DEFB110: variants seen among roughly 807,000 people sequenced by gnomAD.
DEFB110 encodes the protein defensin beta 110, also known as beta-defensin 110.
Under a neutral mutation model 2.5 loss-of-function variants are expected in DEFB110, and 4 were observed. The ratio of observed to expected loss-of-function variants is 1.60; its 90% CI spans 0.79 to 3.66. The LOEUF (loss-of-function observed/expected upper bound fraction) is 3.66, where lower values mean the gene tolerates loss of function less well. DEFB110 is among the 30% of genes most tolerant of loss of function. The probability of loss-of-function intolerance (pLI) is 0.01; values close to 1 mark genes in which losing one functional copy is unlikely to be tolerated. For missense variants in DEFB110, 94 were observed against 75.4 expected (o/e 1.25, Z -0.91); for synonymous variants, 29 against 21.8 (o/e 1.33, Z -0.92).
downstream of DEFB110, among the ~76,000 whole-genome samples, chr6:50,016,225 G>A (rs114326752): frequency 5.5e-3 from 834 of 151,802 alleles, 10 homozygotes; most frequent in African/African-American, 0.019. Flanking sequence ...AGAATTTGAC[G>A]GTGATAAATC....
downstream of DEFB110, among the ~76,000 whole-genome samples, chr6:50,018,648 T>C (rs1774359043): frequency 6.6e-6 from 1 of 151,980 alleles, no homozygotes; most frequent in African/African-American, 2.4e-5. Context: ...CCCAATTCTT[T>C]GACCTAGGGT....
downstream of DEFB110, chr6:50,018,709 G>A (rs568416844): frequency 2.6e-4 from 205 of 775,022 alleles, 1 homozygote; most frequent in Non-Finnish European, 3.3e-4. Flanking sequence ...AAAAGTTGTG[G>A]AACTTGTGGA....
chr6:50,010,223 A>G (rs1774205028), intron 1 of DEFB110, among the ~76,000 whole-genome samples: 1 of 152,024 alleles, frequency 6.6e-6, no homozygotes. Flanking sequence ...AAAATGAGGC[A>G]AAATAATTTT....
At chr6:50,020,535 T>A (rs1774401206) in intron 1 of DEFB110, among the ~76,000 whole-genome samples, 1 of 152,178 alleles carries the variant, frequency 6.6e-6, no homozygotes, top group Non-Finnish European at 1.5e-5. Flanking sequence ...TGTTTCCTGC[T>A]ATTAATTATT....
intron 1 of DEFB110, among the ~76,000 whole-genome samples, chr6:50,011,190 T>A (rs1774222184): frequency 6.6e-6 from 1 of 150,966 alleles, no homozygotes; most frequent in Non-Finnish European, 1.5e-5. Context: ...TAAATATTGA[T>A]ATATATATAT....
downstream of DEFB110, among the ~76,000 whole-genome samples, chr6:50,016,195 C>A (rs997115467): frequency 9.2e-5 from 14 of 151,804 alleles, no homozygotes; most frequent in Non-Finnish European, 1.9e-4. Context: ...AGTCTAATTT[C>A]TTTCTTCCTA....
chr6:50,019,975 G>A (rs541998867), intron 1 of DEFB110, among the ~76,000 whole-genome samples: 18 of 151,988 alleles, frequency 1.2e-4, no homozygotes, highest in African/African-American at 4.1e-4. Flanking sequence ...GAGATCATAG[G>A]GTTCATAAAA....
rs1340908219 is a variant in DEFB110 at position 50,019,006 on chromosome 6, G to C, written c.175C>G (p.Pro59Ala). ...TGCTGCAAGCAGCAATGAGTTCCAG[G>C]TCTTATGCAGTAAGCAATCCTAATT... is the stretch of plus-strand genomic sequence containing the variant. ...NEIRIAYCIR[P>A]GTHCCLQQ Residue 59 changes from proline (P) to alanine (A), a missense_variant, in exon 2 of 2, where the codon CCT becomes GCT. Transcript: ENST00000371148. 1.9e-6 allele frequency: 3 copies of C among 1,612,700 alleles called. No individual in the cohort carries two copies. The Admixed American group carries it at 5.0e-5, about 27-fold the overall frequency.
chr6:50,013,937 T>C (rs948341683), downstream of DEFB110, among the ~76,000 whole-genome samples: 6 of 151,820 alleles, frequency 4.0e-5, no homozygotes, highest in African/African-American at 1.5e-4. Flanking sequence ...ATTAAGGAAT[T>C]TGGAGGCTAT....
At chr6:50,009,411 A>G (rs1774189890) in intron 1 of DEFB110, 9 of 826,562 alleles carry the variant, frequency 1.1e-5, no homozygotes, top group Non-Finnish European at 1.3e-5. Flanking sequence ...GTTGTTTTGT[A>G]GCAGAATTTA....
chr6:50,009,154 C>T (rs1476529481), exon 2 of DEFB110: 11 of 1,610,250 alleles, frequency 6.8e-6, no homozygotes, highest in East Asian at 2.2e-5. Flanking sequence ...GCAGCACTGA[C>T]TTCTCCATTT....
chr6:50,017,461 T>A (rs1353705355), downstream of DEFB110, among the ~76,000 whole-genome samples: 1 of 151,872 alleles, frequency 6.6e-6, no homozygotes, highest in Non-Finnish European at 1.5e-5. Flanking sequence ...AGGTAGACAT[T>A]TTTGATTATC....
chr6:50,018,809 G>A (rs1774362093), downstream of DEFB110: 4 of 1,291,392 alleles, frequency 3.1e-6, no homozygotes, highest in Non-Finnish European at 3.9e-6. Context: ...GTAATGGAAA[G>A]GCACCAGACA....
chr6:50,015,319 A>G (rs1774298654), downstream of DEFB110, among the ~76,000 whole-genome samples: 1 of 151,820 alleles, frequency 6.6e-6, no homozygotes, highest in South Asian at 2.1e-4. Flanking sequence ...TATTCAAATT[A>G]TGTCTCTCCC....
intron 1 of DEFB110, among the ~76,000 whole-genome samples, chr6:50,012,269 T>C (rs1350870248): frequency 2.6e-5 from 4 of 151,940 alleles, no homozygotes; most frequent in Admixed American, 6.6e-5. Flanking sequence ...CACAAAATTC[T>C]CGTCTTAAAG....
intron 1 of DEFB110, among the ~76,000 whole-genome samples, chr6:50,011,803 G>C (rs550121039): frequency 2.0e-5 from 3 of 152,012 alleles, no homozygotes; most frequent in Non-Finnish European, 4.4e-5. Flanking sequence ...AAAGTAAAAA[G>C]AGTTATGTTT....
At chr6:50,011,252 T>G (rs1561990076) in intron 1 of DEFB110, among the ~76,000 whole-genome samples, 2 of 152,030 alleles carry the variant, frequency 1.3e-5, no homozygotes, top group South Asian at 4.1e-4. Context: ...ATGTCATCCA[T>G]AAGTGCATGA....
chr6:50,017,066 G>A (rs1350125265), downstream of DEFB110, among the ~76,000 whole-genome samples: 1 of 151,606 alleles, frequency 6.6e-6, no homozygotes, highest in Non-Finnish European at 1.5e-5. Context: ...TAGATGTCTT[G>A]ATGGAGAGAG....
At position 50,009,275 on chromosome 6, in the gene DEFB110, C is replaced by A. The variant is rs571682735; in HGVS notation, c.56-4G>T. 3 of 1,588,578 alleles carry A rather than the reference C, an allele frequency of 1.9e-6. No individual in the cohort carries two copies. In the South Asian group the frequency reaches 3.5e-5, roughly 18 times the overall value. On this transcript the variant is annotated splice_polypyrimidine_tract_variant and splice_region_variant and intron_variant, in intron 1 of 1. Coordinates refer to the DEFB110 transcript ENST00000393660. The stretch of plus-strand genomic sequence containing the variant: ...TTTGGTTCAAAATTGCTTCTGGCTG[C>A]AATCAAGAAAAATATCTAAAGTTAT...
Sources: allele counts gnomAD v4.1 joint callset (sites outside exome capture counted in the v4.1 genomes callset), GRCh38; gene constraint gnomAD v4.1.1; transcripts MANE v1.5; gene names NCBI Gene and HGNC (gene_info 2026-07-23, HGNC 2026-07-21).